Variants in SYN3 observed in about 807,000 individuals in gnomAD.
SYN3 encodes synapsin III.
In SYN3, 35 loss-of-function variants were observed where a neutral mutation model predicts 65.8. The observed-to-expected ratio is 0.53, with a 90% CI of 0.41 to 0.70. SYN3 has a LOEUF of 0.70. SYN3 is among the 30% of genes least tolerant of loss of function. SYN3 has a pLI of 0.00. For synonymous variants in SYN3, 270 were observed against 292.9 expected (o/e 0.92, Z 0.80); for missense variants, 680 against 749.0 (o/e 0.91, Z 1.08).
intron 6 of SYN3, among the ~76,000 whole-genome samples, chr22:32,798,631 C>T (rs1035628307): frequency 6.6e-6 from 1 of 150,642 alleles, no homozygotes; most frequent in African/African-American, 2.4e-5. Flanking sequence ...AGATGTATAA[C>T]TCTATCATTG....
At chr22:32,737,841 C>A (rs1299377241) in intron 6 of SYN3, among the ~76,000 whole-genome samples, 1 of 152,204 alleles carries the variant, frequency 6.6e-6, no homozygotes, top group Non-Finnish European at 1.5e-5. Flanking sequence ...TGAGATGTCA[C>A]TTCTGGGCAG....
intron 7 of SYN3, among the ~76,000 whole-genome samples, chr22:32,585,996 ATATG>A (rs1165319374): frequency 1.7e-4 from 14 of 81,590 alleles, no homozygotes; most frequent in African/African-American, 3.9e-4. Context: ...GTATACGTAT[ATATG>A]TATGTATGTA....
At chr22:33,035,339 C>CA (rs766928345) in intron 1 of SYN3, among the ~76,000 whole-genome samples, 1 of 94,770 alleles carries the variant, frequency 1.1e-5, no homozygotes, top group Non-Finnish European at 2.2e-5. Flanking sequence ...GACCCCCCCC[C>CA]CCCCCGCCAC....
chr22:32,970,482 GAA>G (rs59641890), intron 3 of SYN3, among the ~76,000 whole-genome samples: 4 of 96,294 alleles, frequency 4.2e-5, no homozygotes, highest in Non-Finnish European at 2.1e-5. Context: ...TCTCTATTTG[GAA>G]AAAAAAAAAA....
At chr22:32,742,149 G>A (rs1032199272) in intron 6 of SYN3, among the ~76,000 whole-genome samples, 8 of 152,062 alleles carry the variant, frequency 5.3e-5, no homozygotes, top group Admixed American at 3.9e-4. Flanking sequence ...GGTGGCGGGC[G>A]CCTGTAGTCC....
chr22:32,739,936 G>A (rs762884), intron 6 of SYN3, among the ~76,000 whole-genome samples: 79,727 of 152,058 alleles, frequency 0.52, 21,361 homozygotes, highest in East Asian at 0.89. Flanking sequence ...TACACATGTC[G>A]GACCACTATG....
At chr22:33,058,023 C>T (rs966785546) in intron 1 of SYN3, among the ~76,000 whole-genome samples, 2 of 152,092 alleles carry the variant, frequency 1.3e-5, no homozygotes, top group African/African-American at 4.8e-5. Context: ...CCCCGGCTCC[C>T]GGGCCCGGCA....
intron 6 of SYN3, among the ~76,000 whole-genome samples, chr22:32,770,977 G>A (rs62232863): frequency 0.077 from 11,764 of 151,930 alleles, 466 homozygotes; most frequent in African/African-American, 0.11. Context: ...TGCCATGGTG[G>A]TTTGCTGCAC....
intron 1 of SYN3, among the ~76,000 whole-genome samples, chr22:33,020,103 G>A (rs928247472): frequency 2.0e-5 from 3 of 152,150 alleles, no homozygotes; most frequent in African/African-American, 7.2e-5. Flanking sequence ...TAGAGACTCT[G>A]AACACAGAGG....
intron 1 of SYN3, among the ~76,000 whole-genome samples, chr22:33,046,841 T>TAAA (rs71187229): frequency 2.2e-5 from 2 of 92,764 alleles, no homozygotes; most frequent in East Asian, 3.3e-4. Context: ...AGTCTCTGTT[T>TAAA]AAAAAAAAAA....
chr22:32,651,453 T>C (rs1359472893), intron 6 of SYN3, among the ~76,000 whole-genome samples: 1 of 152,120 alleles, frequency 6.6e-6, no homozygotes, highest in East Asian at 1.9e-4. Flanking sequence ...CTAACATTCT[T>C]GCCCCTCTCC....
intron 1 of SYN3, among the ~76,000 whole-genome samples, chr22:33,032,172 T>C (rs572392404): frequency 6.6e-6 from 1 of 151,346 alleles, no homozygotes; most frequent in East Asian, 2.0e-4. Flanking sequence ...TCTGTGCCAC[T>C]GTACTCTAAC....
rs140869201 is a variant in SYN3, at chr22:32,602,892, A to T, written c.712-6156T>A. On this transcript the variant is annotated intron_variant, in intron 6 of 13. Transcript: ENST00000358763. ...GAGACTTCATTAAACATCTTTGTACACATGTCCTTATGAGCTAGTGTTTTA... is the reference window on the plus strand; with the variant it reads ...GAGACTTCATTAAACATCTTTGTACTCATGTCCTTATGAGCTAGTGTTTTA... 4.7e-4 allele frequency among the ~76,000 whole-genome samples: 71 copies of T among 152,182 alleles called. 1 individual carries two copies. Among genetic ancestry groups the T allele is most frequent in the African/African-American group, 1.6e-3 (67 of 41,520 alleles).
At chr22:32,874,630 T>C (rs970302770) in intron 4 of SYN3, among the ~76,000 whole-genome samples, 1 of 152,232 alleles carries the variant, frequency 6.6e-6, no homozygotes, top group Non-Finnish European at 1.5e-5. Context: ...AGCCTCATTA[T>C]TCTCAGTCAC....
At chr22:32,890,969 C>T (rs1229440689) in intron 4 of SYN3, among the ~76,000 whole-genome samples, 1 of 152,170 alleles carries the variant, frequency 6.6e-6, no homozygotes, top group Non-Finnish European at 1.5e-5. Context: ...ATACCAGATT[C>T]AGCCAACTGG....
chr22:32,626,236 C>G (rs4481087), intron 6 of SYN3, among the ~76,000 whole-genome samples: 1 of 152,150 alleles, frequency 6.6e-6, no homozygotes, highest in Non-Finnish European at 1.5e-5. Flanking sequence ...CACCACACAT[C>G]TTTCCTGCCA....
chr22:32,673,758 G>A (rs1403460295), intron 6 of SYN3, among the ~76,000 whole-genome samples: 1 of 152,178 alleles, frequency 6.6e-6, no homozygotes, highest in African/African-American at 2.4e-5. Context: ...AGAGAAAGAT[G>A]GTGAGTTCCA....
At chr22:32,661,911 T>C (rs944388740) in intron 6 of SYN3, among the ~76,000 whole-genome samples, 2 of 152,236 alleles carry the variant, frequency 1.3e-5, no homozygotes, top group African/African-American at 2.4e-5. Flanking sequence ...GACTGACTTT[T>C]CTTAGCCTCC....
At chr22:32,715,243 G>A (rs1018858369) in intron 6 of SYN3, among the ~76,000 whole-genome samples, 1 of 152,162 alleles carries the variant, frequency 6.6e-6, no homozygotes, top group African/African-American at 2.4e-5. Flanking sequence ...AACTATAAGA[G>A]CTGGTTCCAG....
Sources: allele counts gnomAD v4.1 joint callset (sites outside exome capture counted in the v4.1 genomes callset), GRCh38; gene constraint gnomAD v4.1.1; transcripts MANE v1.5; gene names NCBI Gene and HGNC (gene_info 2026-07-23, HGNC 2026-07-21).